The following NLGN4X variants were observed in gnomAD, a reference collection of about 807,000 sequenced individuals.
The protein encoded by NLGN4X is neuroligin-4, X-linked.
In NLGN4X, 3 loss-of-function variants were observed where a neutral mutation model predicts 40.3. That is an observed-to-expected ratio of 0.07 (90% CI 0.03 to 0.19). The LOEUF (loss-of-function observed/expected upper bound fraction) is 0.19, where lower values mean the gene tolerates loss of function less well. Ranked by LOEUF, NLGN4X falls within the 10% of genes least tolerant of loss-of-function variation. The pLI, the probability that NLGN4X is intolerant of heterozygous loss-of-function variation, is 1.00. For missense variants in NLGN4X, 382 were observed against 708.3 expected, an observed-to-expected ratio of 0.54 and a Z score of 5.23; for synonymous variants, 270 against 306.8, an observed-to-expected ratio of 0.88 and a Z score of 1.25.
chrX:5,979,285 G>A (rs971619544), intron 3 of NLGN4X, among the ~76,000 whole-genome samples: 2 of 111,573 alleles, frequency 1.8e-5, no homozygotes, highest in African/African-American at 6.5e-5. Context: ...CTGCTCAGAA[G>A]CATTCCAGCC....
At chrX:5,989,753 A>G (rs1478564584) in intron 3 of NLGN4X, among the ~76,000 whole-genome samples, 1 of 111,253 alleles carries the variant, frequency 9.0e-6, no homozygotes, top group East Asian at 2.8e-4. Context: ...CCTCCTTACC[A>G]GGGGCAGTGA....
intron 2 of NLGN4X, among the ~76,000 whole-genome samples, chrX:6,094,745 T>A (rs1354985078): frequency 1.8e-5 from 2 of 111,727 alleles, no homozygotes; most frequent in African/African-American, 3.3e-5. Flanking sequence ...TCTCAGAGGA[T>A]CTGCTGCAGG....
chrX:5,973,500 T>G (rs1380803105), intron 3 of NLGN4X, among the ~76,000 whole-genome samples: 1 of 112,290 alleles, frequency 8.9e-6, no homozygotes, highest in Admixed American at 9.4e-5. Flanking sequence ...CAATAACATC[T>G]ATATACATTT....
At chrX:5,914,474 T>G (rs919878063) in intron 3 of NLGN4X, among the ~76,000 whole-genome samples, 5 of 111,138 alleles carry the variant, frequency 4.5e-5, no homozygotes, top group African/African-American at 1.6e-4. Context: ...AGGAGATCAT[T>G]CCTTGCATAA....
At chrX:6,030,394 ATGTG>A (rs35006258) in intron 2 of NLGN4X, among the ~76,000 whole-genome samples, 12 of 100,024 alleles carry the variant, frequency 1.2e-4, no homozygotes, top group South Asian at 9.6e-4. Context: ...GGATACAGAT[ATGTG>A]TGTGTGTGTG....
At chrX:6,197,339 G>A (rs1923184120) in intron 1 of NLGN4X, among the ~76,000 whole-genome samples, 1 of 110,384 alleles carries the variant, frequency 9.1e-6, no homozygotes, top group African/African-American at 3.3e-5. Flanking sequence ...TTGGATCACT[G>A]CAGCCTCAAC....
At chrX:6,142,691 C>T (rs2039973410) in intron 2 of NLGN4X, among the ~76,000 whole-genome samples, 1 of 112,176 alleles carries the variant, frequency 8.9e-6, no homozygotes, top group African/African-American at 3.2e-5. Flanking sequence ...ATTAATTTCT[C>T]TTTAATCTCA....
intron 3 of NLGN4X, among the ~76,000 whole-genome samples, chrX:6,018,235 G>A (rs1648945099): frequency 9.0e-6 from 1 of 110,797 alleles, no homozygotes; most frequent in Non-Finnish European, 1.9e-5. Context: ...ACACATATAT[G>A]CGCTATATAT....
In NLGN4X at chrX:6,143,284, G is replaced by C. The variant is rs777384567; in HGVS notation, c.472+7711C>G. ...ACTGATCTGCTAAGGGGCTAAACTG[G>C]CATTTCAACTCCAGCAAACAAGTTT... On this transcript the variant is annotated intron_variant, in intron 2 of 5. Transcript: ENST00000381095. Among the ~76,000 whole-genome samples, 27 of 112,268 alleles carry C rather than the reference G, an allele frequency of 2.4e-4. 1 individual carries two copies. The highest frequency in any genetic ancestry group is 4.7e-4 in the Non-Finnish European group (25 of 53,287).
chrX:6,217,312 T>C (rs1318605839), intron 1 of NLGN4X, among the ~76,000 whole-genome samples: 2 of 112,314 alleles, frequency 1.8e-5, no homozygotes, highest in African/African-American at 3.2e-5. Flanking sequence ...GGGATCTTAC[T>C]AGATTAAATG....
chrX:5,903,435 T>C lies in NLGN4X; in HGVS notation c.1243A>G (p.Thr415Ala), dbSNP rs778290178. 2.0e-5 allele frequency: 24 copies of C among 1,205,577 alleles called. No homozygotes were observed. In the African/African-American group the frequency reaches 3.4e-4, roughly 17 times the overall value. Reference sequence around the variant, plus strand: ...ATGAACTTGATAGTCTCCCGCAAAGTGTCTTTCCCTTCAGGGTAGCCGTAA... The same window carrying C: ...ATGAACTTGATAGTCTCCCGCAAAGCGTCTTTCCCTTCAGGGTAGCCGTAA... ...NLYGYPEGKD[T>A]LRETIKFMYT... is the part of the protein sequence containing the mutation. The change falls in exon 5 of 6, where the codon ACT becomes GCT. Residue 415 changes from threonine to alanine, a missense_variant. Around this residue, in one of 5 missense-constraint regions of NLGN4X, gnomAD observed 149 missense variants for 375.8 expected, o/e 0.40. Coordinates refer to ENST00000381095, the MANE Select transcript of NLGN4X (RefSeq NM_181332.3).
Position 6,175,655 on chromosome X carries a change from G to GAAAAAAAA in NLGN4X, c.-305-23892_-305-23885dup, listed in dbSNP as rs3045369. ...TCAAGTTATATCATTATCTATTACA[G>GAAAAAAAA]AAAAAAAAAAAAAAAAAACAAGATA... is the stretch of plus-strand genomic sequence containing the variant. On this transcript the variant is annotated intron_variant, in intron 1 of 5. Transcript: ENST00000381095. Among the ~76,000 whole-genome samples, 118 of 60,956 alleles carry GAAAAAAAA rather than the reference G, an allele frequency of 1.9e-3. 4 individuals are homozygous for GAAAAAAAA. Among genetic ancestry groups the GAAAAAAAA allele is most frequent in the African/African-American group, 6.2e-3 (94 of 15,218 alleles). 52.9% of individuals were successfully genotyped at this position (60,956 alleles called of 115,157 possible). A position where few individuals can be genotyped will look rare whatever the true frequency, so the allele number is the denominator to read the frequency against.
intron 3 of NLGN4X, among the ~76,000 whole-genome samples, chrX:5,934,919 C>T (rs768227589): frequency 5.4e-5 from 6 of 111,847 alleles, no homozygotes; most frequent in South Asian, 3.7e-4. Context: ...AATAATCTGT[C>T]CAAGGTGGAC....
At chrX:5,927,516 T>C (rs2033380177) in intron 3 of NLGN4X, among the ~76,000 whole-genome samples, 1 of 112,529 alleles carries the variant, frequency 8.9e-6, no homozygotes, top group Non-Finnish European at 1.9e-5. Context: ...AGTGGTTCAA[T>C]ACTATTCTTG....
chrX:6,032,617 A>C (rs1186740366), intron 2 of NLGN4X: 1 of 693,100 alleles, frequency 1.4e-6, no homozygotes, highest in African/African-American at 2.3e-5. Context: ...ACAGATTGAA[A>C]TGAAAAAAAA....
chrX:6,089,627 C>G (rs892770648), intron 2 of NLGN4X, among the ~76,000 whole-genome samples: 6 of 112,059 alleles, frequency 5.4e-5, no homozygotes, highest in African/African-American at 1.9e-4. Flanking sequence ...GAAGGGATAC[C>G]CCCTTATGAC....
At chrX:5,925,899 T>G (rs868506956) in intron 3 of NLGN4X, among the ~76,000 whole-genome samples, 2 of 31,307 alleles carry the variant, frequency 6.4e-5, no homozygotes, top group Non-Finnish European at 9.4e-5. Context: ...TATATATATA[T>G]ATATATATAT....
At chrX:5,919,989 T>C (rs2032967854) in intron 3 of NLGN4X, among the ~76,000 whole-genome samples, 1 of 112,074 alleles carries the variant, frequency 8.9e-6, no homozygotes, top group Non-Finnish European at 1.9e-5. Context: ...TACATTCTCT[T>C]GCGGTTCTTA....
intron 2 of NLGN4X, among the ~76,000 whole-genome samples, chrX:6,106,189 G>T (rs2039028828): frequency 9.0e-6 from 1 of 111,628 alleles, no homozygotes; most frequent in Non-Finnish European, 1.9e-5. Context: ...ATCAGGTTTT[G>T]CCCCCAAATG....
Sources: gnomAD v4.1 joint callset for allele counts (sites outside exome capture counted in the v4.1 genomes callset) on GRCh38, gnomAD v4.1.1 for gene constraint, gnomAD v4.1.1 regional missense constraint, MANE v1.5 for transcripts, NCBI Gene and HGNC (gene_info 2026-07-23, HGNC 2026-07-21) for gene names.